Variants in ABCA3 observed in about 807,000 individuals in gnomAD.
The protein encoded by ABCA3 is ATP binding cassette subfamily A member 3.
In ABCA3, 88 loss-of-function variants were observed where a neutral mutation model predicts 172.8. The observed-to-expected ratio is 0.51, with a 90% CI of 0.43 to 0.61. The LOEUF is 0.61. Ranked by LOEUF, ABCA3 falls within the 20% of genes least tolerant of loss-of-function variation. The pLI, the probability that ABCA3 is intolerant of heterozygous loss-of-function variation, is 0.00. For synonymous variants in ABCA3, 1,066 were observed against 983.8 expected (o/e 1.08, Z -1.56); for missense variants, 2,164 against 2,301.0 (o/e 0.94, Z 1.22).
rs146974059 is a variant in ABCA3 at position 2,332,867 on chromosome 16, C to T, written c.-538-3013G>A. ...TGTCACCCAGGTTGGAGTGCCGTTG[C>T]GTGAGCAGGGCTCATCGCAGCCTGG... On this transcript the variant is annotated intron_variant, in intron 1 of 32. Coordinates refer to ENST00000301732, the MANE Select transcript of ABCA3 (RefSeq NM_001089.3). 1,125 of 546,374 alleles carry T rather than the reference C, an allele frequency of 2.1e-3. 12 individuals carry two copies. Among genetic ancestry groups the T allele is most frequent in the African/African-American group, 0.019 (993 of 52,334 alleles). 33.8% of individuals were successfully genotyped at this position (546,374 alleles called of 1,614,324 possible).
At chr16:2,303,251 A>G (rs912250745) in intron 12 of ABCA3, among the ~76,000 whole-genome samples, 1 of 150,752 alleles carries the variant, frequency 6.6e-6, no homozygotes, top group Non-Finnish European at 1.5e-5. Flanking sequence ...AGGAATCCGA[A>G]CTTTTTTTCT....
chr16:2,326,421 T>A lies in ABCA3; in HGVS notation c.46A>T (p.Thr16Ser). ...QLALLLWKNYTLQKRKVLVTV... is the reference protein window; with the variant it reads ...QLALLLWKNYSLQKRKVLVTV... The stretch of plus-strand genomic sequence containing the variant: ...CCAGAGTCTGGACGCACCTGCAGGG[T>A]GTAGTTCTTCCAGAGGAGGAGCGCC... The change falls in exon 4 of 33, where the codon ACC (threonine) becomes TCC (serine). Residue 16 changes from threonine (T) to serine (S), a missense_variant. Around this residue, in one of 3 missense-constraint regions of ABCA3, gnomAD observed 1,343 missense variants for 1,369.6 expected, o/e 0.98. Coordinates refer to ENST00000301732, the MANE Select transcript of ABCA3 (RefSeq NM_001089.3). The A allele has an allele frequency of 6.2e-7, 1 of 1,612,536 alleles. No individual in the cohort carries two copies.
chr16:2,304,693 T>G (rs2093694801), intron 11 of ABCA3, among the ~76,000 whole-genome samples: 1 of 147,832 alleles, frequency 6.8e-6, no homozygotes, highest in African/African-American at 2.5e-5. Context: ...TTTTTTTTTT[T>G]GAGATGGAGT....
intron 20 of ABCA3, chr16:2,289,121 C>T (rs951331622): frequency 6.0e-5 from 24 of 399,130 alleles, no homozygotes; most frequent in African/African-American, 3.6e-4. Context: ...ATCTGTGAAC[C>T]GAGTGCATCA....
chr16:2,321,328 A>G (rs1327844954), intron 7 of ABCA3, among the ~76,000 whole-genome samples: 2 of 152,182 alleles, frequency 1.3e-5, no homozygotes, highest in East Asian at 1.9e-4. Context: ...TCTTAGTTCT[A>G]GATGTAAAAT....
chr16:2,323,770 G>C, intron 6 of ABCA3, 82 bp from the exon 7 acceptor site: 1 of 1,534,380 alleles, frequency 6.5e-7, no homozygotes, highest in South Asian at 1.1e-5. Flanking sequence ...GAGAGCGCTT[G>C]GGGGGCTGTC....
Position 2,285,732 on chromosome 16 carries a change from G to T in ABCA3, c.3279-86C>A. ...GGGTTCTCGGTTATGACCGCCCAAG[G>T]CATGCAGGGCAGCAGCCCAACCACT... On this transcript the variant is annotated intron_variant, in intron 22 of 32. Coordinates refer to ENST00000301732, the MANE Select transcript of ABCA3 (RefSeq NM_001089.3). This position sits in a 1 kb window ranked among gnomAD's most constrained non-coding sequence, Gnocchi z 4.7. 2.2e-6 allele frequency: 3 copies of T among 1,338,954 alleles called. No individual in the cohort carries two copies. Among genetic ancestry groups the T allele is most frequent in the Non-Finnish European group, 3.1e-6 (3 of 960,600 alleles). 82.9% of individuals were successfully genotyped at this position (1,338,954 alleles called of 1,614,324 possible).
In ABCA3 at chr16:2,324,474, G is replaced by T; in HGVS notation, c.377C>A (p.Ser126Ter). The change falls in exon 6 of 33, where the codon TCG becomes TAG. Residue 126 changes from serine (S) to a stop codon, truncating the protein, a stop_gained. Transcript: ENST00000301732. LOFTEE classifies it high-confidence loss of function. ...GACCACGGCGGCCAGCACGCTGGAC[G>T]AGCAGTTGTCGTACCTAATGTAGTC... ...FEDYIRYDNC[S>*]SSVLAAVVFE... 2 of 1,610,494 alleles carry T rather than the reference G, an allele frequency of 1.2e-6. No individual in the cohort carries two copies.
chr16:2,319,748 G>A lies in ABCA3; in HGVS notation c.706C>T (p.Gln236Ter), dbSNP rs781707196. ...CTCTTGATGGTCACCGTCAGTCTCT[G>A]GAACAGCTGGCGTGTGGCGGCATCG... The part of the protein sequence containing the change: ...HADAATRQLF[Q>*]RLTVTIKRFP... Residue 236 changes from glutamine to a stop codon, truncating the protein, a stop_gained, in exon 8 of 33, where the codon CAG (glutamine) becomes TAG (stop). Transcript: ENST00000301732. LOFTEE classifies it high-confidence loss of function. The A allele has an allele frequency of 6.2e-7, 1 of 1,613,834 alleles. No homozygotes were observed. The highest frequency in any genetic ancestry group is 1.3e-5 in the African/African-American group (1 of 74,900).
Position 2,289,605 on chromosome 16 carries a change from C to T in ABCA3, c.2529G>A (p.Val843=). The change falls in exon 20 of 33, where the codon GTG becomes GTA. Residue 843 remains valine, a synonymous_variant. Coordinates refer to ENST00000301732, the MANE Select transcript of ABCA3 (RefSeq NM_001089.3). ...EEVFLRVGKL[V]DSSMDIQAIQ... ...TGGCCTGGATGTCCATACTGCTGTC[C>T]ACCAGCTTCCCGACCCTGTGCCGAT... The T allele has an allele frequency of 6.4e-7, 1 of 1,551,780 alleles. No individual in the cohort carries two copies. Among genetic ancestry groups the T allele is most frequent in the East Asian group, 2.4e-5 (1 of 41,376 alleles).
rs1203546772 is a variant in ABCA3, at chr16:2,289,495, G to A, written c.2639C>T (p.Pro880Leu). ...VDSNLCGAMD[P>L]SDGIGALIEE... ...GATGAGGGCTCCAATGCCGTCGGAG[G>A]GGTCCATGGCCCCACAGAGGTTGCT... Residue 880 changes from proline to leucine, a missense_variant, in exon 20 of 33, where the codon CCC becomes CTC. Pro to Leu is a moderately conservative substitution (Grantham distance 98, BLOSUM62 -3). Coordinates refer to ENST00000301732, the MANE Select transcript of ABCA3 (RefSeq NM_001089.3). 6.3e-7 allele frequency: 1 copy of A among 1,592,768 alleles called. No homozygotes were observed.
At chr16:2,319,280 T>A (rs963550205) in intron 8 of ABCA3, among the ~76,000 whole-genome samples, 2 of 152,054 alleles carry the variant, frequency 1.3e-5, no homozygotes, top group Admixed American at 6.6e-5. Context: ...GGTCAGGAGA[T>A]TGAGACCATC....
At position 2,285,402 on chromosome 16, in the gene ABCA3, G is replaced by C. The variant is rs768303400; in HGVS notation, c.3483+40C>G. 5 of 1,569,202 alleles carry C rather than the reference G, an allele frequency of 3.2e-6. No individual in the cohort carries two copies. In the African/African-American group the frequency reaches 4.1e-5, roughly 13 times the overall value. On this transcript the variant is annotated intron_variant, in intron 23 of 32. Coordinates refer to ENST00000301732, the MANE Select transcript of ABCA3 (RefSeq NM_001089.3). This position sits in a 1 kb window ranked among gnomAD's most constrained non-coding sequence, Gnocchi z 4.7. ...AGGGGTCCCAGGGCAAGCCCTCTGC[G>C]GTCTGCAGGGGAACGGATCCAGCAC...
intron 10 of ABCA3, among the ~76,000 whole-genome samples, chr16:2,310,519 CT>C (rs771886336): frequency 8.6e-4 from 125 of 144,748 alleles, no homozygotes; most frequent in Middle Eastern, 3.6e-3. Flanking sequence ...TTTTTTCTTT[CT>C]TTTTTTTTTT....
In ABCA3 at chr16:2,297,260, G is replaced by T. The variant is rs990335927; in HGVS notation, c.2263+69C>A. On this transcript the variant is annotated intron_variant, in intron 17 of 32. Transcript: ENST00000301732. The surrounding 1 kb of genome is among the most constrained non-coding windows in gnomAD (Gnocchi z 5.6). ...GCCTGATCTGAGGGCCCTTCATGAA[G>T]GTAGCAGCCATTCCCTCAGCACGGC... 11 of 1,549,536 alleles carry T rather than the reference G, an allele frequency of 7.1e-6. No homozygotes were observed. Among genetic ancestry groups the T allele is most frequent in the African/African-American group, 5.4e-5 (4 of 73,728 alleles).
chr16:2,332,347 C>T (rs2093744622), intron 1 of ABCA3: 1 of 765,552 alleles, frequency 1.3e-6, no homozygotes, highest in Admixed American at 1.8e-5. Context: ...AGCACAGGCA[C>T]CAGGGCTTCT....
chr16:2,332,756 G>A, intron 1 of ABCA3: 2 of 1,010,854 alleles, frequency 2.0e-6, no homozygotes, highest in South Asian at 2.8e-5. Context: ...TTTATTTGTG[G>A]TTTGCAGGTA....
At chr16:2,290,990 C>T (rs2093671101) in intron 19 of ABCA3, among the ~76,000 whole-genome samples, 1 of 152,146 alleles carries the variant, frequency 6.6e-6, no homozygotes. Flanking sequence ...CTGCCTCAGC[C>T]TCCCAAGTAG....
rs937715362 is a variant in ABCA3, at chr16:2,340,292, G to A, written c.-539+281C>T. Among the ~76,000 whole-genome samples the A allele has an allele frequency of 9.2e-5, 14 of 152,176 alleles. 2 individuals are homozygous for A. In the South Asian group the frequency reaches 1.2e-3, roughly 14 times the overall value. On this transcript the variant is annotated intron_variant, in intron 1 of 32. Transcript: ENST00000301732. ...AGCTTCCCCGCGCGGCGCGGGCTCA[G>A]GCACTGCCCGCAGTGCGGGACACGC...
Sources: gnomAD v4.1 joint callset for allele counts (sites outside exome capture counted in the v4.1 genomes callset) on GRCh38, gnomAD v4.1.1 for gene constraint, gnomAD v4.1.1 regional missense constraint, Gnocchi (gnomAD v3.1) non-coding constraint, MANE v1.5 for transcripts, NCBI Gene and HGNC (gene_info 2026-07-23, HGNC 2026-07-21) for gene names.